The following UBP1 variants were observed in gnomAD, a reference collection of about 807,000 sequenced individuals.
UBP1 encodes the protein upstream binding protein 1, also known as upstream-binding protein 1.
A neutral mutation model predicts 76.1 loss-of-function variants in UBP1; 22 were observed. The observed-to-expected ratio is 0.29, with a 90% CI of 0.21 to 0.41. The LOEUF is 0.41. Among genes scored for constraint, UBP1 ranks in the 10% least tolerant of loss-of-function variants. The pLI, the probability that UBP1 is intolerant of heterozygous loss-of-function variation, is 1.00. For synonymous variants in UBP1, 224 were observed against 237.1 expected, an observed-to-expected ratio of 0.94 and a Z score of 0.51; for missense variants, 436 against 668.1, an observed-to-expected ratio of 0.65 and a Z score of 3.83.
intron 1 of UBP1, among the ~76,000 whole-genome samples, chr3:33,427,310 T>C (rs987458104): frequency 1.3e-5 from 2 of 152,260 alleles, no homozygotes; most frequent in African/African-American, 2.4e-5. Context: ...TTCAAAGTGG[T>C]TGCAATAATT....
Position 33,390,264 on chromosome 3 carries a change from A to C in UBP1, c.*67T>G, listed in dbSNP as rs1434813454. ...AAAATCCAATCCCAAGACTTCTTGG[A>C]TTCAGTCTTCACACACTTTTAAGCG... On this transcript the variant is annotated 3_prime_UTR_variant, in exon 16 of 16. Transcript: ENST00000283629. The C allele has an allele frequency of 6.7e-7, 1 of 1,489,866 alleles. No homozygotes were observed. The highest frequency in any genetic ancestry group is 9.3e-7 in the Non-Finnish European group (1 of 1,078,426). 92.3% of individuals were successfully genotyped at this position (1,489,866 alleles called of 1,614,324 possible). A position where few individuals can be genotyped will look rare whatever the true frequency, so the allele number is the denominator to read the frequency against.
chr3:33,423,120 C>A (rs1286898531), intron 2 of UBP1, among the ~76,000 whole-genome samples: 1 of 151,594 alleles, frequency 6.6e-6, no homozygotes, highest in Non-Finnish European at 1.5e-5. Flanking sequence ...TGGCTCACTG[C>A]AACCTCTGCC....
intron 8 of UBP1, chr3:33,403,198 T>C: frequency 3.3e-6 from 1 of 301,966 alleles, no homozygotes; most frequent in South Asian, 2.8e-5. Flanking sequence ...TTTGAAGAGC[T>C]TTCTCCTCCC....
At chr3:33,417,946 A>G (rs1328049441) in intron 2 of UBP1, among the ~76,000 whole-genome samples, 2 of 152,328 alleles carry the variant, frequency 1.3e-5, no homozygotes, top group Admixed American at 6.5e-5. Flanking sequence ...CAGCATATAT[A>G]TAGTCTGTTA....
chr3:33,423,986 A>C (rs2044964648), intron 2 of UBP1, among the ~76,000 whole-genome samples: 1 of 152,274 alleles, frequency 6.6e-6, no homozygotes, highest in Admixed American at 6.5e-5. Flanking sequence ...ATGTTGCTTT[A>C]AACAGGGTGT....
intron 5 of UBP1, 118 bp from the exon 6 acceptor site, chr3:33,409,719 C>T: frequency 7.6e-7 from 1 of 1,319,502 alleles, no homozygotes; most frequent in African/African-American, 1.5e-5. Context: ...AAAATAAACT[C>T]ATCACACATA....
At position 33,393,474 on chromosome 3, in the gene UBP1, A is replaced by AG; in HGVS notation, c.1391-21_1391-20insC. ...GATAAACTGAAATTAAAAAAAAAAAAAGAAAAGCATTTTAACAGTAATCTT... is the reference window on the plus strand; with the variant it reads ...GATAAACTGAAATTAAAAAAAAAAAAGAGAAAAGCATTTTAACAGTAATCTT... On this transcript the variant is annotated intron_variant, in intron 13 of 15. Coordinates refer to ENST00000283629, the MANE Select transcript of UBP1 (RefSeq NM_014517.5). 3 of 1,590,078 alleles carry AG rather than the reference A, an allele frequency of 1.9e-6. No homozygotes were observed. Among genetic ancestry groups the AG allele is most frequent in the Non-Finnish European group, 2.6e-6 (3 of 1,170,550 alleles).
At chr3:33,422,793 G>A (rs914344825) in intron 2 of UBP1, among the ~76,000 whole-genome samples, 1 of 150,358 alleles carries the variant, frequency 6.7e-6, no homozygotes, top group Non-Finnish European at 1.5e-5. Context: ...GAGAAAGGGA[G>A]CAGAAAAAGA....
intron 2 of UBP1, among the ~76,000 whole-genome samples, chr3:33,418,492 C>T (rs187396046): frequency 1.9e-3 from 292 of 151,884 alleles, no homozygotes; most frequent in Middle Eastern, 3.4e-3. Flanking sequence ...CTCCTGACCT[C>T]GGGTGATTCA....
rs1453831806 is a variant in UBP1 at position 33,392,559 on chromosome 3, G to C, written c.1585+4C>G. Reference sequence around the variant, plus strand: ...ATTTTAAGACACACACACATGCAAAGTACCTTTTACTGTGGAGAATAAAAA... The same window carrying C: ...ATTTTAAGACACACACACATGCAAACTACCTTTTACTGTGGAGAATAAAAA... On this transcript the variant is annotated splice_donor_region_variant and intron_variant, in intron 15 of 15. Coordinates refer to ENST00000283629, the MANE Select transcript of UBP1 (RefSeq NM_014517.5). 3 of 1,609,682 alleles carry C rather than the reference G, an allele frequency of 1.9e-6. No individual in the cohort carries two copies. Among genetic ancestry groups the C allele is most frequent in the Non-Finnish European group, 2.5e-6 (3 of 1,178,412 alleles).
At chr3:33,415,660 G>C (rs2044709894) in intron 3 of UBP1, among the ~76,000 whole-genome samples, 2 of 151,714 alleles carry the variant, frequency 1.3e-5, no homozygotes, top group African/African-American at 4.8e-5. Flanking sequence ...CAGTTTTAAA[G>C]ACCTCAGTAT....
At chr3:33,397,242 T>C in intron 11 of UBP1, 107 bp from the exon 12 acceptor site, 1 of 756,144 alleles carries the variant, frequency 1.3e-6, no homozygotes, top group African/African-American at 1.8e-5. Context: ...TAATCAGATA[T>C]CCTGAATACA....
Position 33,389,716 on chromosome 3 carries a change from T to C in UBP1, c.*615A>G, listed in dbSNP as rs1232207427. On this transcript the variant is annotated 3_prime_UTR_variant, in exon 16 of 16. Transcript: ENST00000283629. ...CCAAGGTACTCCTGATAATGCAGTT[T>C]GCTTCAAGCCCATCTTCCTGGCTTG... The C allele has an allele frequency of 6.5e-6, 1 of 152,762 alleles. No individual in the cohort carries two copies. The highest frequency in any genetic ancestry group is 1.5e-5 in the Non-Finnish European group (1 of 68,118). The allele number at this position is 152,762 out of a possible 1,614,324, so 9.5% of individuals were successfully genotyped here.
At chr3:33,392,527 T>G (rs1378061968) in intron 15 of UBP1, 36 bp downstream of exon 15, 2 of 1,583,776 alleles carry the variant, frequency 1.3e-6, no homozygotes, top group African/African-American at 2.7e-5. Context: ...TCTCTCATGA[T>G]TCCAGCATTT....
chr3:33,394,066 G>GAGTGC (rs972492660), intron 13 of UBP1, among the ~76,000 whole-genome samples: 1 of 151,754 alleles, frequency 6.6e-6, no homozygotes, highest in Non-Finnish European at 1.5e-5. Flanking sequence ...GCCCAGGCTG[G>GAGTGC]AGTGCAGTGA....
intron 15 of UBP1, chr3:33,391,782 TGTGAAA>T (rs1224271795): frequency 2.6e-5 from 4 of 152,290 alleles, no homozygotes; most frequent in Non-Finnish European, 5.9e-5. Flanking sequence ...TCCACAGAGT[TGTGAAA>T]GTGAAAGAAA....
chr3:33,439,445 C>T (rs973892108), intron 1 of UBP1, among the ~76,000 whole-genome samples: 21 of 152,362 alleles, frequency 1.4e-4, no homozygotes, highest in Non-Finnish European at 1.9e-4. Flanking sequence ...CCCCTTCCCC[C>T]ACCAACCCAA....
chr3:33,415,667 G>A (rs111295638), intron 3 of UBP1, among the ~76,000 whole-genome samples: 2,107 of 151,800 alleles, frequency 0.014, 22 homozygotes, highest in South Asian at 0.027. Flanking sequence ...AAAGACCTCA[G>A]TATAGGGCCC....
chr3:33,428,484 TG>T (rs749100584), intron 1 of UBP1, among the ~76,000 whole-genome samples: 6 of 152,098 alleles, frequency 3.9e-5, no homozygotes, highest in Non-Finnish European at 7.4e-5. Context: ...TTTAATAAAT[TG>T]TCACATATGG....
Sources: gnomAD v4.1 joint callset for allele counts (sites outside exome capture counted in the v4.1 genomes callset) on GRCh38, gnomAD v4.1.1 for gene constraint, MANE v1.5 for transcripts, NCBI Gene and HGNC (gene_info 2026-07-23, HGNC 2026-07-21) for gene names.